Variants in SYN3 observed in about 807,000 individuals in gnomAD.
SYN3 encodes synapsin III, also known as synapsin-3.
In SYN3, 35 loss-of-function variants were observed where a neutral mutation model predicts 65.8. The observed-to-expected ratio is 0.53, with a 90% CI of 0.41 to 0.70. The LOEUF is 0.70. SYN3 is among the 30% of genes least tolerant of loss of function. The pLI, the probability that SYN3 is intolerant of heterozygous loss-of-function variation, is 0.00. For missense variants in SYN3, 680 were observed against 749.0 expected (o/e 0.91, Z 1.08); for synonymous variants, 270 against 292.9 (o/e 0.92, Z 0.80).
chr22:32,623,445 C>T (rs2059622686), intron 6 of SYN3, among the ~76,000 whole-genome samples: 3 of 152,232 alleles, frequency 2.0e-5, no homozygotes, highest in Admixed American at 6.5e-5. Flanking sequence ...ATCCTCCCAT[C>T]TCGGCCTCCC....
chr22:32,890,364 T>C (rs950101722), intron 4 of SYN3, among the ~76,000 whole-genome samples: 14 of 151,986 alleles, frequency 9.2e-5, no homozygotes, highest in Non-Finnish European at 4.4e-5. Context: ...TTTGAGCCAC[T>C]GTGCCTGGCC....
intron 6 of SYN3, among the ~76,000 whole-genome samples, chr22:32,706,715 T>C (rs1017201238): frequency 3.9e-5 from 6 of 152,264 alleles, no homozygotes; most frequent in Non-Finnish European, 5.9e-5. Context: ...CTGACTGATT[T>C]AGAGCCTTTT....
intron 6 of SYN3, among the ~76,000 whole-genome samples, chr22:32,773,721 T>C (rs1281916533): frequency 2.0e-5 from 3 of 152,180 alleles, no homozygotes; most frequent in Non-Finnish European, 4.4e-5. Context: ...GGACAGTGTC[T>C]GTTCATAAGA....
intron 6 of SYN3, among the ~76,000 whole-genome samples, chr22:32,602,258 C>A (rs770436892): frequency 6.6e-6 from 1 of 152,158 alleles, no homozygotes; most frequent in Non-Finnish European, 1.5e-5. Context: ...AATCTCACCT[C>A]CCCAGTGTGT....
chr22:32,631,481 G>A (rs2059747559), intron 6 of SYN3, among the ~76,000 whole-genome samples: 1 of 151,984 alleles, frequency 6.6e-6, no homozygotes, highest in African/African-American at 2.4e-5. Flanking sequence ...GTTCCTTCAG[G>A]GACAAGAAGG....
chr22:32,918,739 A>G (rs1046935210), intron 4 of SYN3, among the ~76,000 whole-genome samples: 7 of 152,198 alleles, frequency 4.6e-5, no homozygotes, highest in Admixed American at 1.3e-4. Context: ...TTCAGGAAGA[A>G]GGAGAACTAG....
At chr22:32,789,226 C>T (rs2046264839) in intron 6 of SYN3, among the ~76,000 whole-genome samples, 1 of 152,214 alleles carries the variant, frequency 6.6e-6, no homozygotes, top group Admixed American at 6.5e-5. Context: ...TTCTTTCCTC[C>T]TGAAATCAGC....
intron 6 of SYN3, among the ~76,000 whole-genome samples, chr22:32,831,709 C>T (rs2146131027): frequency 6.6e-6 from 1 of 152,312 alleles, no homozygotes; most frequent in East Asian, 1.9e-4. Context: ...CCAGGATCCA[C>T]CTGCCCCTCC....
intron 1 of SYN3, among the ~76,000 whole-genome samples, chr22:33,044,905 T>C (rs5998706): frequency 0.52 from 78,736 of 150,166 alleles, 20,937 homozygotes; most frequent in East Asian, 0.65. Flanking sequence ...TGCAATGGCA[T>C]GATCTCGGCT....
At chr22:32,667,782 T>TTTTCTTTCTTTC (rs370360732) in intron 6 of SYN3, among the ~76,000 whole-genome samples, 3 of 146,700 alleles carry the variant, frequency 2.0e-5, no homozygotes, top group Admixed American at 6.8e-5. Flanking sequence ...AGGAGATCAC[T>TTTTCTTTCTTTC]TTTCTTTCTT....
intron 13 of SYN3, among the ~76,000 whole-genome samples, chr22:32,515,083 C>T (rs2057750002): frequency 6.6e-6 from 1 of 152,130 alleles, no homozygotes; most frequent in African/African-American, 2.4e-5. Flanking sequence ...GCTTATTACC[C>T]CTCAGAGAGT....
At chr22:32,780,435 C>T (rs943356859) in intron 6 of SYN3, among the ~76,000 whole-genome samples, 2 of 152,210 alleles carry the variant, frequency 1.3e-5, no homozygotes, top group African/African-American at 2.4e-5. Flanking sequence ...CTGTTGGCCG[C>T]TCTGGTTTCC....
chr22:32,660,676 G>A (rs2060205011), intron 6 of SYN3, among the ~76,000 whole-genome samples: 1 of 152,204 alleles, frequency 6.6e-6, no homozygotes, highest in Non-Finnish European at 1.5e-5. Flanking sequence ...TGCATTTGGT[G>A]ATAAATTTGC....
chr22:32,804,601 C>A (rs1049368670), intron 6 of SYN3, among the ~76,000 whole-genome samples: 1 of 152,216 alleles, frequency 6.6e-6, no homozygotes, highest in Non-Finnish European at 1.5e-5. Context: ...CTCCGGGGGG[C>A]TGCCCGATGG....
intron 3 of SYN3, among the ~76,000 whole-genome samples, chr22:32,942,171 A>C (rs1179733045): frequency 6.6e-6 from 1 of 152,192 alleles, no homozygotes; most frequent in African/African-American, 2.4e-5. Context: ...CTGACCCCCG[A>C]GTAGCCTAAC....
At chr22:32,578,475 C>A (rs563525331) in intron 7 of SYN3, among the ~76,000 whole-genome samples, 27 of 152,218 alleles carry the variant, frequency 1.8e-4, no homozygotes, top group African/African-American at 6.5e-4. Flanking sequence ...GTCTTGAACT[C>A]CTGGACTCAA....
chr22:32,778,452 C>T (rs2045959085), intron 6 of SYN3, among the ~76,000 whole-genome samples: 1 of 90,756 alleles, frequency 1.1e-5, no homozygotes, highest in African/African-American at 5.7e-5. Context: ...CCATGTCCAG[C>T]TAATTTTTGT....
chr22:32,865,730 G>A (rs960474240), intron 5 of SYN3, among the ~76,000 whole-genome samples: 1 of 152,184 alleles, frequency 6.6e-6, no homozygotes, highest in Non-Finnish European at 1.5e-5. Flanking sequence ...GCTCAAAGGT[G>A]AGCTCTGTCG....
At chr22:32,609,796 C>T (rs909226043) in intron 6 of SYN3, among the ~76,000 whole-genome samples, 1 of 152,010 alleles carries the variant, frequency 6.6e-6, no homozygotes, top group African/African-American at 2.4e-5. Flanking sequence ...TTGACCTCTG[C>T]CTGGTTTTTA....
Sources: gnomAD v4.1 joint callset for allele counts (sites outside exome capture counted in the v4.1 genomes callset) on GRCh38, gnomAD v4.1.1 for gene constraint, MANE v1.5 for transcripts, NCBI Gene and HGNC (gene_info 2026-07-23, HGNC 2026-07-21) for gene names.